Variants in DUSP16 observed in about 807,000 individuals in gnomAD.
DUSP16 encodes the protein dual specificity phosphatase 16, also known as dual specificity protein phosphatase 16.
DUSP16 carries 21 observed loss-of-function variants against 58.3 expected under a neutral mutation model. That is an observed-to-expected ratio of 0.36 (90% CI 0.26 to 0.52). The LOEUF (loss-of-function observed/expected upper bound fraction) is 0.52. Ranked by LOEUF, DUSP16 falls within the 20% of genes least tolerant of loss-of-function variation. DUSP16 has a pLI of 0.94. For synonymous variants in DUSP16, 320 were observed against 323.8 expected (o/e 0.99, Z 0.12); for missense variants, 726 against 819.0 (o/e 0.89, Z 1.39).
chr12:12,558,435 G>A (rs113452953), intron 1 of DUSP16, among the ~76,000 whole-genome samples: 1 of 151,238 alleles, frequency 6.6e-6, no homozygotes, highest in African/African-American at 2.4e-5. Flanking sequence ...AAGCTGGAGC[G>A]CAGCAGTGCC....
chr12:12,516,612 GC>G (rs1944158473), intron 3 of DUSP16, among the ~76,000 whole-genome samples: 1 of 152,064 alleles, frequency 6.6e-6, no homozygotes, highest in South Asian at 2.1e-4. Flanking sequence ...CTTCACATCT[GC>G]TTATATGGAT....
intron 3 of DUSP16, among the ~76,000 whole-genome samples, chr12:12,505,649 A>G (rs924836450): frequency 6.6e-6 from 1 of 152,172 alleles, no homozygotes; most frequent in Non-Finnish European, 1.5e-5. Flanking sequence ...GTCCAGTTCT[A>G]TCGTTAATTG....
At chr12:12,541,055 C>G (rs761780280) in intron 1 of DUSP16, among the ~76,000 whole-genome samples, 5 of 147,632 alleles carry the variant, frequency 3.4e-5, no homozygotes, top group Non-Finnish European at 7.4e-5. Flanking sequence ...ACCTCCCAGG[C>G]TCAGGTGATC....
chr12:12,515,056 T>A (rs1376837930), intron 3 of DUSP16, among the ~76,000 whole-genome samples: 2 of 151,892 alleles, frequency 1.3e-5, no homozygotes, highest in African/African-American at 4.8e-5. Flanking sequence ...ATATAGTTTA[T>A]CAGACACAAA....
At chr12:12,543,892 C>T (rs138736101) in intron 1 of DUSP16, among the ~76,000 whole-genome samples, 1 of 151,052 alleles carries the variant, frequency 6.6e-6, no homozygotes, top group Non-Finnish European at 1.5e-5. Flanking sequence ...TCCCTTACAG[C>T]ATTGATAATA....
chr12:12,536,142 C>T (rs1007984865), intron 1 of DUSP16, among the ~76,000 whole-genome samples: 14 of 152,132 alleles, frequency 9.2e-5, no homozygotes, highest in African/African-American at 2.4e-4. Flanking sequence ...CCTATGGATG[C>T]GCTCAGTCTA....
chr12:12,478,112 A>G (rs1459140099), intron 6 of DUSP16, 97 bp from the exon 7 acceptor site: 3 of 1,128,638 alleles, frequency 2.7e-6, no homozygotes, highest in Non-Finnish European at 3.8e-6. Flanking sequence ...TATCAGGCAG[A>G]CCTCAAAAAC....
intron 1 of DUSP16, among the ~76,000 whole-genome samples, chr12:12,539,625 C>G (rs1446668288): frequency 6.6e-6 from 1 of 152,074 alleles, no homozygotes; most frequent in East Asian, 1.9e-4. Flanking sequence ...GAATTCCTCT[C>G]TAATCCAATC....
chr12:12,520,091 C>T (rs937572282), intron 2 of DUSP16, 91 bp from the exon 3 acceptor site: 32 of 1,219,004 alleles, frequency 2.6e-5, no homozygotes, highest in African/African-American at 1.2e-4. Context: ...AGTGCTGGGG[C>T]GAATAATTGC....
chr12:12,510,213 G>A (rs1944055332), intron 3 of DUSP16, among the ~76,000 whole-genome samples: 1 of 152,160 alleles, frequency 6.6e-6, no homozygotes. Context: ...CCCAGATGAG[G>A]ATGGTGTGGC....
At chr12:12,488,412 G>T (rs2136199205) in intron 4 of DUSP16, among the ~76,000 whole-genome samples, 1 of 152,260 alleles carries the variant, frequency 6.6e-6, no homozygotes, top group South Asian at 2.1e-4. Context: ...GTTATGTAAT[G>T]AAGTAATGAG....
chr12:12,507,731 T>A (rs1462444686), intron 3 of DUSP16, among the ~76,000 whole-genome samples: 2 of 152,186 alleles, frequency 1.3e-5, no homozygotes, highest in Non-Finnish European at 2.9e-5. Flanking sequence ...TGCCTCAGCC[T>A]CCCGAGTAGC....
chr12:12,486,193 TG>T (rs986108072), intron 5 of DUSP16, among the ~76,000 whole-genome samples: 1 of 152,042 alleles, frequency 6.6e-6, no homozygotes, highest in African/African-American at 2.4e-5. Flanking sequence ...CTTATGTAAC[TG>T]GGGGAAAAAA....
chr12:12,476,744 A>G lies in DUSP16; in HGVS notation c.*89T>C. ...CTCCATTTTCCAAAAATATATATGT[A>G]TGTACATATATATATTTCAGATTTA... is the stretch of plus-strand genomic sequence containing the variant. On this transcript the variant is annotated 3_prime_UTR_variant, in exon 7 of 7. Transcript: ENST00000298573. The G allele has an allele frequency of 3.3e-6, 4 of 1,211,654 alleles. No individual in the cohort carries two copies. Among genetic ancestry groups the G allele is most frequent in the Non-Finnish European group, 4.6e-6 (4 of 873,258 alleles). 75.1% of individuals were successfully genotyped at this position (1,211,654 alleles called of 1,614,324 possible). A position where few individuals can be genotyped will look rare whatever the true frequency, so the allele number is the denominator to read the frequency against.
intron 3 of DUSP16, among the ~76,000 whole-genome samples, chr12:12,517,820 C>T (rs1230558690): frequency 1.3e-5 from 2 of 152,328 alleles, no homozygotes; most frequent in South Asian, 2.1e-4. Flanking sequence ...GGTGCTGCCT[C>T]CATGGACTTG....
At chr12:12,527,879 T>C (rs942658234) in intron 1 of DUSP16, among the ~76,000 whole-genome samples, 2 of 151,994 alleles carry the variant, frequency 1.3e-5, no homozygotes, top group African/African-American at 4.8e-5. Context: ...CAATCAGAGG[T>C]TCAGGTTGTT....
intron 4 of DUSP16, 66 bp from the exon 5 acceptor site, chr12:12,487,253 G>A: frequency 1.3e-6 from 2 of 1,530,264 alleles, no homozygotes; most frequent in Non-Finnish European, 1.8e-6. Flanking sequence ...TTCTGAAAGA[G>A]TGAAGTTTAA....
intron 1 of DUSP16, among the ~76,000 whole-genome samples, chr12:12,529,108 C>T (rs908719068): frequency 1.1e-4 from 16 of 152,112 alleles, no homozygotes; most frequent in Non-Finnish European, 1.2e-4. Flanking sequence ...GGAAACTGAA[C>T]TTTTGTTTTT....
intron 3 of DUSP16, among the ~76,000 whole-genome samples, chr12:12,517,049 G>A (rs890394766): frequency 1.3e-5 from 2 of 152,186 alleles, no homozygotes; most frequent in Admixed American, 1.3e-4. Flanking sequence ...AGCTCGTTAA[G>A]ATACTGCTAT....
Sources: allele counts gnomAD v4.1 joint callset (sites outside exome capture counted in the v4.1 genomes callset), GRCh38; gene constraint gnomAD v4.1.1; transcripts MANE v1.5; gene names NCBI Gene and HGNC (gene_info 2026-07-23, HGNC 2026-07-21).